The following SLAIN1 variants were observed in gnomAD, a reference collection of about 807,000 sequenced individuals.
The protein encoded by SLAIN1 is SLAIN motif-containing protein 1.
A neutral mutation model predicts 55.4 loss-of-function variants in SLAIN1; 17 were observed. The ratio of observed to expected loss-of-function variants is 0.31; its 90% CI spans 0.21 to 0.46. The LOEUF is 0.46. Among genes scored for constraint, SLAIN1 ranks in the 20% least tolerant of loss-of-function variants. The probability of loss-of-function intolerance (pLI) is 1.00; values close to 1 mark genes in which losing one functional copy is unlikely to be tolerated. For missense variants in SLAIN1, 682 were observed against 785.1 expected (o/e 0.87, Z 1.57); for synonymous variants, 348 against 337.4 (o/e 1.03, Z -0.35).
At chr13:77,723,850 T>TG (rs1256347889) in intron 2 of SLAIN1, among the ~76,000 whole-genome samples, 2 of 152,118 alleles carry the variant, frequency 1.3e-5, no homozygotes, top group Admixed American at 1.3e-4. Flanking sequence ...CAGAATCGCC[T>TG]AGATTGATGT....
intron 2 of SLAIN1, among the ~76,000 whole-genome samples, chr13:77,736,051 G>C (rs970206456): frequency 6.6e-6 from 1 of 152,008 alleles, no homozygotes; most frequent in Admixed American, 6.5e-5. Flanking sequence ...TGATAAGGCA[G>C]GCACACGCTA....
At chr13:77,745,686 T>G (rs1003971039) in intron 3 of SLAIN1, among the ~76,000 whole-genome samples, 1 of 152,164 alleles carries the variant, frequency 6.6e-6, no homozygotes, top group African/African-American at 2.4e-5. Context: ...TCAAGGCTTC[T>G]ATGAGAAACA....
intron 1 of SLAIN1, among the ~76,000 whole-genome samples, chr13:77,711,705 C>T (rs2091152680): frequency 6.6e-6 from 1 of 152,090 alleles, no homozygotes; most frequent in African/African-American, 2.4e-5. Context: ...AAGAGAGGGG[C>T]TCCTCCCTAA....
intron 5 of SLAIN1, among the ~76,000 whole-genome samples, chr13:77,760,119 G>C (rs779699026): frequency 6.6e-6 from 1 of 152,126 alleles, no homozygotes; most frequent in Admixed American, 6.5e-5. Flanking sequence ...GCAGAATTCT[G>C]TGCATAAGTT....
chr13:77,744,719 A>G (rs1168071622), intron 3 of SLAIN1, among the ~76,000 whole-genome samples: 1 of 152,096 alleles, frequency 6.6e-6, no homozygotes, highest in Non-Finnish European at 1.5e-5. Context: ...CATGTGGCCC[A>G]GCAAACTGCA....
At chr13:77,739,635 T>A (rs1410729550) in intron 2 of SLAIN1, among the ~76,000 whole-genome samples, 1 of 152,138 alleles carries the variant, frequency 6.6e-6, no homozygotes, top group African/African-American at 2.4e-5. Flanking sequence ...TTGAATACTT[T>A]GAGTCTAAGC....
intron 1 of SLAIN1, among the ~76,000 whole-genome samples, chr13:77,713,748 A>G (rs1402909549): frequency 6.6e-6 from 1 of 152,220 alleles, no homozygotes; most frequent in Non-Finnish European, 1.5e-5. Context: ...ACTGTTCACA[A>G]TAGTAAAGAC....
At chr13:77,709,255 T>C (rs2091121953) in intron 1 of SLAIN1, among the ~76,000 whole-genome samples, 1 of 151,940 alleles carries the variant, frequency 6.6e-6, no homozygotes, top group African/African-American at 2.4e-5. Flanking sequence ...CCAAGAAATA[T>C]GGGACTATGT....
intron 2 of SLAIN1, among the ~76,000 whole-genome samples, chr13:77,739,867 G>A (rs144758053): frequency 6.7e-4 from 102 of 152,134 alleles, no homozygotes; most frequent in Non-Finnish European, 1.3e-3. Context: ...TAACTACACA[G>A]ATGTGTTATA....
At chr13:77,714,221 T>C (rs1406779133) in intron 1 of SLAIN1, among the ~76,000 whole-genome samples, 1 of 152,050 alleles carries the variant, frequency 6.6e-6, no homozygotes, top group Non-Finnish European at 1.5e-5. Context: ...ATAAGGAAAC[T>C]CCACAGTTGA....
chr13:77,760,677 T>A (rs1874943722), intron 5 of SLAIN1, 151 bp from the exon 6 acceptor site: 4 of 792,460 alleles, frequency 5.0e-6, no homozygotes, highest in Non-Finnish European at 7.8e-6. Flanking sequence ...AATTTTCCAT[T>A]TCTCAGTGCT....
intron 5 of SLAIN1, among the ~76,000 whole-genome samples, chr13:77,758,864 C>A (rs1361932584): frequency 6.6e-6 from 1 of 152,106 alleles, no homozygotes; most frequent in Non-Finnish European, 1.5e-5. Context: ...TAATGTGGTA[C>A]CTCTAGACTT....
intron 1 of SLAIN1, among the ~76,000 whole-genome samples, chr13:77,714,078 A>G (rs2091181619): frequency 6.6e-6 from 1 of 152,144 alleles, no homozygotes; most frequent in Admixed American, 6.6e-5. Context: ...CGTAGATGAC[A>G]GTTGATGGGT....
chr13:77,736,758 A>G (rs17776964), intron 2 of SLAIN1, among the ~76,000 whole-genome samples: 8,375 of 149,468 alleles, frequency 0.056, 307 homozygotes, highest in South Asian at 0.11. Context: ...ACTATTAACT[A>G]TTAGCTCCCA....
At chr13:77,736,374 T>C (rs1873120193) in intron 2 of SLAIN1, among the ~76,000 whole-genome samples, 1 of 152,168 alleles carries the variant, frequency 6.6e-6, no homozygotes, top group South Asian at 2.1e-4. Context: ...TCCCCCTAGC[T>C]AATCTCTGTC....
At chr13:77,763,081 G>A in intron 6 of SLAIN1, 64 bp from the exon 7 acceptor site, 1 of 1,375,178 alleles carries the variant, frequency 7.3e-7, no homozygotes, top group South Asian at 1.2e-5. Flanking sequence ...GTAGGTCAAA[G>A]TGAGTGATGT....
intron 4 of SLAIN1, 37 bp from the exon 5 acceptor site, chr13:77,753,166 C>T (rs1874357719): frequency 2.6e-6 from 4 of 1,540,448 alleles, no homozygotes; most frequent in Non-Finnish European, 3.5e-6. Flanking sequence ...GGTTGCATAA[C>T]ATCTGTCATT....
intron 2 of SLAIN1, among the ~76,000 whole-genome samples, chr13:77,729,112 A>G (rs1178479809): frequency 3.3e-5 from 5 of 151,986 alleles, no homozygotes; most frequent in Admixed American, 2.0e-4. Flanking sequence ...CAGTGCATTT[A>G]CTTCAGTATT....
Position 77,698,303 on chromosome 13 carries a change from C to T in SLAIN1, c.390C>T (p.Ser130=). 1.4e-6 allele frequency: 2 copies of T among 1,444,328 alleles called. No individual in the cohort carries two copies. The highest frequency in any genetic ancestry group is 3.1e-5 in the East Asian group (1 of 31,948). The allele number at this position is 1,444,328 out of a possible 1,614,324, so 89.5% of individuals were successfully genotyped here. A position where few individuals can be genotyped will look rare whatever the true frequency, so the allele number is the denominator to read the frequency against. ...TCCCGGGCACCTTCTGCCTGCCTAG[C>T]CCCGCGCCCTCCCTGCTTTGCAGCC... ...PAFPGTFCLP[S]PAPSLLCSLA... Residue 130 remains serine (S), a synonymous_variant, in exon 1 of 7, where the codon AGC becomes AGT. Coordinates refer to ENST00000418532, the MANE Select transcript of SLAIN1 (RefSeq NM_001242868.2). This position sits in a 1 kb window ranked among gnomAD's most constrained non-coding sequence, Gnocchi z 4.1.
Sources: allele counts gnomAD v4.1 joint callset (sites outside exome capture counted in the v4.1 genomes callset), GRCh38; gene constraint gnomAD v4.1.1; non-coding constraint Gnocchi (gnomAD v3.1); transcripts MANE v1.5; gene names NCBI Gene and HGNC (gene_info 2026-07-23, HGNC 2026-07-21).